The following ZCWPW2 variants were observed in gnomAD, a reference collection of about 807,000 sequenced individuals.
ZCWPW2 encodes zinc finger CW-type PWWP domain protein 2.
ZCWPW2 carries 45 observed loss-of-function variants against 46.6 expected under a neutral mutation model. That is an observed-to-expected ratio of 0.96 (90% CI 0.76 to 1.24). The LOEUF (loss-of-function observed/expected upper bound fraction) is 1.24. Ranked by LOEUF, ZCWPW2 falls within the 50% of genes most tolerant of loss-of-function variation. The pLI, the probability that ZCWPW2 is intolerant of heterozygous loss-of-function variation, is 0.00. For missense variants in ZCWPW2, 429 were observed against 403.9 expected (o/e 1.06, Z -0.53); for synonymous variants, 152 against 137.1 (o/e 1.11, Z -0.76).
chr3:28,426,493 T>C (rs1697018148), intron 3 of ZCWPW2, among the ~76,000 whole-genome samples: 1 of 152,200 alleles, frequency 6.6e-6, no homozygotes, highest in South Asian at 2.1e-4. Context: ...TAATAAAATA[T>C]GGCTTTAAGT....
chr3:28,426,258 T>C (rs1314651268), intron 3 of ZCWPW2, among the ~76,000 whole-genome samples: 1 of 151,868 alleles, frequency 6.6e-6, no homozygotes, highest in Non-Finnish European at 1.5e-5. Context: ...TTTTAAAAAT[T>C]GATCATATGC....
At chr3:28,463,495 T>C (rs1698718227) in intron 4 of ZCWPW2, among the ~76,000 whole-genome samples, 1 of 152,166 alleles carries the variant, frequency 6.6e-6, no homozygotes, top group South Asian at 2.1e-4. Context: ...GAGAAGCTTA[T>C]TTGAAAATTC....
At chr3:28,445,849 T>C (rs1559507728) in intron 4 of ZCWPW2, among the ~76,000 whole-genome samples, 1 of 152,212 alleles carries the variant, frequency 6.6e-6, no homozygotes, top group East Asian at 1.9e-4. Context: ...AGAAAAGATG[T>C]TCCGTGCAAA....
chr3:28,393,806 G>A (rs1695588828), intron 2 of ZCWPW2, among the ~76,000 whole-genome samples: 1 of 152,070 alleles, frequency 6.6e-6, no homozygotes, highest in Admixed American at 6.6e-5. Context: ...CAAAGGCTGT[G>A]TATCACAGTT....
At chr3:28,487,012 GTTTT>G (rs898052881) in intron 5 of ZCWPW2, among the ~76,000 whole-genome samples, 1 of 151,370 alleles carries the variant, frequency 6.6e-6, no homozygotes, top group East Asian at 1.9e-4. Context: ...CTATTGGTAA[GTTTT>G]TTTTTCTCTG....
intron 5 of ZCWPW2, among the ~76,000 whole-genome samples, chr3:28,486,018 T>C (rs1699589462): frequency 6.6e-6 from 1 of 152,156 alleles, no homozygotes; most frequent in African/African-American, 2.4e-5. Context: ...TTTCACTCTT[T>C]TTCTGTCTTT....
chr3:28,477,185 T>C (rs767339423), intron 4 of ZCWPW2, among the ~76,000 whole-genome samples: 1 of 152,242 alleles, frequency 6.6e-6, no homozygotes, highest in Non-Finnish European at 1.5e-5. Context: ...CTGTGAAGGC[T>C]AGCTTAGACA....
At chr3:28,373,902 C>T (rs1026707561) in intron 1 of ZCWPW2, among the ~76,000 whole-genome samples, 4 of 152,120 alleles carry the variant, frequency 2.6e-5, no homozygotes, top group African/African-American at 7.2e-5. Flanking sequence ...TTATTAATCC[C>T]ATCTCAGATG....
chr3:28,453,586 G>T (rs1698307897), intron 4 of ZCWPW2, among the ~76,000 whole-genome samples: 1 of 152,070 alleles, frequency 6.6e-6, no homozygotes, highest in Non-Finnish European at 1.5e-5. Flanking sequence ...ACATGAATCA[G>T]GTCATTGTTT....
intron 1 of ZCWPW2, among the ~76,000 whole-genome samples, chr3:28,365,032 A>C (rs1382049107): frequency 2.0e-5 from 3 of 151,936 alleles, no homozygotes; most frequent in African/African-American, 7.3e-5. Flanking sequence ...AGTTCATTGT[A>C]GATTCTGGAT....
chr3:28,488,077 T>C (rs1699666962), intron 5 of ZCWPW2, among the ~76,000 whole-genome samples: 1 of 152,134 alleles, frequency 6.6e-6, no homozygotes, highest in Admixed American at 6.6e-5. Context: ...TCCCTAATCT[T>C]CTCTGTGAGA....
chr3:28,399,191 G>A lies in ZCWPW2; in HGVS notation c.-14+8574G>A, dbSNP rs1167390670. 2.6e-5 allele frequency among the ~76,000 whole-genome samples: 4 copies of A among 152,172 alleles called. No individual in the cohort carries two copies. The East Asian group carries it at 7.8e-4, about 30-fold the overall frequency. On this transcript the variant is annotated intron_variant, in intron 2 of 9. Transcript: ENST00000383768. ...CCTCCACTTCACTGACAACCTGCATGACAGTGTAGACAGCCGTAATCCCGC... is the reference window on the plus strand; with the variant it reads ...CCTCCACTTCACTGACAACCTGCATAACAGTGTAGACAGCCGTAATCCCGC...
intron 8 of ZCWPW2, among the ~76,000 whole-genome samples, chr3:28,518,553 C>T (rs1340737676): frequency 2.6e-5 from 4 of 152,156 alleles, no homozygotes; most frequent in Non-Finnish European, 5.9e-5. Context: ...CCCTAGTTGA[C>T]TTATGAAGTC....
At chr3:28,492,195 T>C in intron 6 of ZCWPW2, 22 bp downstream of exon 6, 1 of 1,578,244 alleles carries the variant, frequency 6.3e-7, no homozygotes, top group South Asian at 1.2e-5. Flanking sequence ...TTTTATTATA[T>C]AAAATATACA....
At chr3:28,406,280 A>G (rs987205970) in intron 2 of ZCWPW2, among the ~76,000 whole-genome samples, 1 of 152,204 alleles carries the variant, frequency 6.6e-6, no homozygotes, top group African/African-American at 2.4e-5. Context: ...GTGTGGCTAA[A>G]TGACCATCTG....
At chr3:28,513,937 G>A (rs888926781) in intron 6 of ZCWPW2, 127 bp from the exon 7 acceptor site, 3 of 455,996 alleles carry the variant, frequency 6.6e-6, no homozygotes, top group Non-Finnish European at 3.5e-6. Flanking sequence ...ACGTAAAGAT[G>A]TTGTTTAGGG....
At chr3:28,484,475 A>G (rs536576105) in intron 5 of ZCWPW2, among the ~76,000 whole-genome samples, 1 of 152,120 alleles carries the variant, frequency 6.6e-6, no homozygotes, top group African/African-American at 2.4e-5. Context: ...GCCTATTCAG[A>G]TTGCCTGTTT....
rs147533603 is a variant in ZCWPW2 at position 28,408,600 on chromosome 3, G to A, written c.-13-4456G>A. On this transcript the variant is annotated intron_variant, in intron 2 of 9. Transcript: ENST00000383768. ...AGTAACTGAAAGGCACATTTGTGAA[G>A]CCCTCTTAAGTTATGGCATCTCCCA... 2.5e-3 allele frequency among the ~76,000 whole-genome samples: 385 copies of A among 152,240 alleles called. 1 individual carries two copies. The highest frequency in any genetic ancestry group is 8.4e-3 in the African/African-American group (349 of 41,534).
chr3:28,389,200 G>A (rs1695392829), intron 1 of ZCWPW2, among the ~76,000 whole-genome samples: 1 of 152,144 alleles, frequency 6.6e-6, no homozygotes, highest in Admixed American at 6.5e-5. Flanking sequence ...ATAGTGAGTA[G>A]TGATACTCCC....
Sources: allele counts gnomAD v4.1 joint callset (sites outside exome capture counted in the v4.1 genomes callset), GRCh38; gene constraint gnomAD v4.1.1; transcripts MANE v1.5; gene names NCBI Gene and HGNC (gene_info 2026-07-23, HGNC 2026-07-21).